Variants in TDRD12 observed in about 807,000 individuals in gnomAD.
TDRD12 encodes the protein tudor domain containing 12.
A neutral mutation model predicts 133.5 loss-of-function variants in TDRD12; 158 were observed. The ratio of observed to expected loss-of-function variants is 1.18; its 90% CI spans 1.04 to 1.35. The LOEUF (loss-of-function observed/expected upper bound fraction) is 1.35. TDRD12 is among the 40% of genes most tolerant of loss of function. The probability of loss-of-function intolerance (pLI) is 0.00; values close to 1 mark genes in which losing one functional copy is unlikely to be tolerated. For synonymous variants in TDRD12, 460 were observed against 477.9 expected (o/e 0.96, Z 0.49); for missense variants, 1,443 against 1,321.3 (o/e 1.09, Z -1.43).
chr19:32,777,846 TATATATATATA>T (rs1330925635), intron 11 of TDRD12, among the ~76,000 whole-genome samples: 4 of 15,878 alleles, frequency 2.5e-4, no homozygotes, highest in Non-Finnish European at 3.3e-4. Context: ...TATATATATA[TATATATATATA>T]TTTTTTTTTT....
intron 11 of TDRD12, 50 bp downstream of exon 11, chr19:32,777,279 A>G (rs2041768724): frequency 1.8e-6 from 2 of 1,123,700 alleles, no homozygotes; most frequent in Middle Eastern, 2.3e-4. Flanking sequence ...AATTATAATA[A>G]AATTATAAAC....
downstream of TDRD12, chr19:32,829,547 T>TATC: frequency 6.6e-6 from 1 of 152,382 alleles, no homozygotes; most frequent in Admixed American, 6.5e-5. Context: ...TTCCGCAGTG[T>TATC]ATCATCAATA....
chr19:32,820,265 G>C (rs948538314), intron 27 of TDRD12, among the ~76,000 whole-genome samples: 31 of 152,122 alleles, frequency 2.0e-4, no homozygotes, highest in African/African-American at 7.0e-4. Flanking sequence ...CCTCCTCCTC[G>C]TGTGTGTGTG....
At chr19:32,758,207 A>T (rs1018501595) in intron 8 of TDRD12, among the ~76,000 whole-genome samples, 1 of 152,186 alleles carries the variant, frequency 6.6e-6, no homozygotes, top group African/African-American at 2.4e-5. Flanking sequence ...GGAGCGATGG[A>T]ATAGCTCTCA....
intron 1 of TDRD12, among the ~76,000 whole-genome samples, chr19:32,727,746 G>A (rs1477199119): frequency 6.6e-6 from 1 of 152,086 alleles, no homozygotes; most frequent in Non-Finnish European, 1.5e-5. Flanking sequence ...TCGGCTCACT[G>A]CAACCTCCAC....
chr19:32,796,500 G>A (rs1003471295), intron 14 of TDRD12, among the ~76,000 whole-genome samples: 3 of 151,854 alleles, frequency 2.0e-5, no homozygotes, highest in Non-Finnish European at 4.4e-5. Context: ...CAGGAGAATC[G>A]CTTGAACCTG....
intron 4 of TDRD12, among the ~76,000 whole-genome samples, chr19:32,744,191 A>G (rs1020522502): frequency 4.0e-5 from 6 of 151,816 alleles, no homozygotes; most frequent in Admixed American, 6.6e-5. Context: ...TTTGCACAGT[A>G]CAGTCCCGTA....
chr19:32,773,568 C>T (rs1158900469), intron 10 of TDRD12, 36 bp downstream of exon 10: 1 of 1,538,904 alleles, frequency 6.5e-7, no homozygotes. Flanking sequence ...TGTGGTGGCG[C>T]CTGCCTGTAG....
At chr19:32,769,017 A>T (rs1970372464) in intron 8 of TDRD12, among the ~76,000 whole-genome samples, 1 of 152,162 alleles carries the variant, frequency 6.6e-6, no homozygotes, top group African/African-American at 2.4e-5. Flanking sequence ...TGCTGGGATT[A>T]TAGGTGCAAG....
At chr19:32,803,332 C>T (rs1320358875) in intron 21 of TDRD12, among the ~76,000 whole-genome samples, 190 bp downstream of exon 21, 1 of 152,180 alleles carries the variant, frequency 6.6e-6, no homozygotes, top group African/African-American at 2.4e-5. Context: ...ATTAACTTTG[C>T]ATGATTTTGA....
intron 8 of TDRD12, among the ~76,000 whole-genome samples, chr19:32,764,787 G>A (rs1189642402): frequency 3.9e-5 from 6 of 152,052 alleles, no homozygotes; most frequent in Non-Finnish European, 5.9e-5. Context: ...CTGTTACTTA[G>A]GTGCATAAAG....
At chr19:32,731,763 G>T in exon 2 of TDRD12, 1 of 1,550,628 alleles carries the variant, frequency 6.4e-7, no homozygotes, top group Admixed American at 2.0e-5. Context: ...TTATAAAAGG[G>T]TGTAGTCCCT....
chr19:32,746,946 G>C (rs1337792939), intron 4 of TDRD12, among the ~76,000 whole-genome samples: 1 of 149,566 alleles, frequency 6.7e-6, no homozygotes. Context: ...GTGAGAGAGA[G>C]AGAGGGGGAG....
chr19:32,810,191 G>T, exon 23 of TDRD12: 1 of 1,535,900 alleles, frequency 6.5e-7, no homozygotes, highest in Admixed American at 2.0e-5. Context: ...AAATGAATGA[G>T]TATTTTAAGG....
chr19:32,742,301 A>C (rs1365068682), intron 3 of TDRD12, among the ~76,000 whole-genome samples: 2 of 151,780 alleles, frequency 1.3e-5, no homozygotes, highest in Non-Finnish European at 2.9e-5. Flanking sequence ...GGATTATAGG[A>C]GTGCACCACC....
At chr19:32,808,235 A>G (rs1966888768) in intron 22 of TDRD12, among the ~76,000 whole-genome samples, 1 of 152,102 alleles carries the variant, frequency 6.6e-6, no homozygotes, top group South Asian at 2.1e-4. Context: ...CTTTTTGAGC[A>G]TACAATTTCT....
intron 3 of TDRD12, 28 bp downstream of exon 3, chr19:32,739,020 C>G: frequency 6.5e-7 from 1 of 1,548,822 alleles, no homozygotes; most frequent in Non-Finnish European, 8.7e-7. Context: ...TCACCTTACG[C>G]TCTTTTCAGA....
chr19:32,815,520 A>C, exon 26 of TDRD12: 2 of 1,536,468 alleles, frequency 1.3e-6, no homozygotes, highest in Non-Finnish European at 1.7e-6. Flanking sequence ...AATTTTGTCC[A>C]TGGGCATGGG....
At chr19:32,808,516 C>G (rs1966894092) in intron 22 of TDRD12, among the ~76,000 whole-genome samples, 1 of 152,162 alleles carries the variant, frequency 6.6e-6, no homozygotes, top group Non-Finnish European at 1.5e-5. Context: ...TCTCTGTGCC[C>G]CTTGTAAAGG....
Sources: allele counts gnomAD v4.1 joint callset (sites outside exome capture counted in the v4.1 genomes callset), GRCh38; gene constraint gnomAD v4.1.1; transcripts MANE v1.5; gene names NCBI Gene and HGNC (gene_info 2026-07-23, HGNC 2026-07-21).